The following ACADSB variants were observed in gnomAD, a reference collection of about 807,000 sequenced individuals.
ACADSB encodes short/branched chain specific acyl-CoA dehydrogenase, mitochondrial.
A neutral mutation model predicts 54.1 loss-of-function variants in ACADSB; 40 were observed. The ratio of observed to expected loss-of-function variants is 0.74; its 90% CI spans 0.57 to 0.96. ACADSB has a LOEUF of 0.96. Among genes scored for constraint, ACADSB ranks in the 40% least tolerant of loss-of-function variants. The pLI, the probability that ACADSB is intolerant of heterozygous loss-of-function variation, is 0.00. For missense variants in ACADSB, 530 were observed against 510.4 expected, an observed-to-expected ratio of 1.04 and a Z score of -0.37; for synonymous variants, 182 against 182.8, an observed-to-expected ratio of 1.00 and a Z score of 0.03.
At chr10:123,039,088 T>A (rs1850438248) in intron 3 of ACADSB, among the ~76,000 whole-genome samples, 1 of 152,198 alleles carries the variant, frequency 6.6e-6, no homozygotes, top group South Asian at 2.1e-4. Flanking sequence ...TGTCCTGGGT[T>A]TTTGGCATAA....
chr10:123,014,903 T>C (rs183162760), intron 1 of ACADSB, among the ~76,000 whole-genome samples: 1 of 152,328 alleles, frequency 6.6e-6, no homozygotes, highest in Non-Finnish European at 1.5e-5. Flanking sequence ...CTATAGGTGA[T>C]GTAACAGTTT....
chr10:123,051,554 C>G (rs895043696), intron 9 of ACADSB, among the ~76,000 whole-genome samples: 8 of 152,110 alleles, frequency 5.3e-5, no homozygotes, highest in African/African-American at 1.4e-4. Flanking sequence ...GGGTGTCATG[C>G]CTATGGTGTC....
In ACADSB at chr10:123,053,777, G is replaced by T; in HGVS notation, c.*12G>T. The T allele has an allele frequency of 6.2e-7, 1 of 1,610,624 alleles. No homozygotes were observed. Among genetic ancestry groups the T allele is most frequent in the Non-Finnish European group, 8.5e-7 (1 of 1,176,758 alleles). On this transcript the variant is annotated 3_prime_UTR_variant, in exon 11 of 11. Coordinates refer to ENST00000358776, the MANE Select transcript of ACADSB (RefSeq NM_001609.4). ...ATGCAGAATACTGACGTCTATAGGA[G>T]TGGGACCCCTCCCTGGTGTCACTGC... is the stretch of plus-strand genomic sequence containing the variant.
intron 10 of ACADSB, 69 bp downstream of exon 10, chr10:123,053,229 A>G: frequency 7.5e-7 from 1 of 1,333,302 alleles, no homozygotes; most frequent in Non-Finnish European, 1.1e-6. Context: ...TGGCTGTTTT[A>G]TTTGTCGTTT....
rs577530638 is a variant in ACADSB at position 123,038,499 on chromosome 10, G to T, written c.303+652G>T. On this transcript the variant is annotated intron_variant, in intron 3 of 10. Coordinates refer to ENST00000358776, the MANE Select transcript of ACADSB (RefSeq NM_001609.4). ...CGCTCTCACTGTGAGTAGGGGGAGG[G>T]GCTATTAGCATAGGGGCTTCTAGAA... 2.0e-5 allele frequency among the ~76,000 whole-genome samples: 3 copies of T among 152,208 alleles called. No homozygotes were observed. The South Asian group carries it at 6.2e-4, about 32-fold the overall frequency.
At chr10:123,053,604 T>C in intron 10 of ACADSB, 91 bp from the exon 11 acceptor site, 2 of 1,096,170 alleles carry the variant, frequency 1.8e-6, no homozygotes, top group Non-Finnish European at 2.8e-6. Flanking sequence ...AACTGTTTTA[T>C]AGCAAGCGCA....
rs1215246655 is a variant in ACADSB, at chr10:123,057,572, G to A, written c.*3807G>A. On this transcript the variant is annotated 3_prime_UTR_variant, in exon 11 of 11. Coordinates refer to ENST00000358776, the MANE Select transcript of ACADSB (RefSeq NM_001609.4). The stretch of plus-strand genomic sequence containing the variant: ...GTTAATTTGAGGACTGGGCTGTCTT[G>A]GGGCTCAGAAGATAAAGAACTATTT... The A allele has an allele frequency of 6.6e-6, 1 of 152,150 alleles. No individual in the cohort carries two copies. The highest frequency in any genetic ancestry group is 1.5e-5 in the Non-Finnish European group (1 of 68,042). 9.4% of individuals were successfully genotyped at this position (152,150 alleles called of 1,614,324 possible).
intron 3 of ACADSB, 91 bp from the exon 4 acceptor site, chr10:123,040,375 G>T: frequency 1.9e-6 from 2 of 1,077,448 alleles, no homozygotes; most frequent in South Asian, 2.7e-5. Context: ...TAATAAATAT[G>T]GTTACAGTTT....
rs547084905 is a variant in ACADSB at position 123,058,215 on chromosome 10, A to G, written c.*4450A>G. On this transcript the variant is annotated 3_prime_UTR_variant, in exon 11 of 11. Transcript: ENST00000358776. ...ATGTATCGGATTGTTTTAATGTTATATATTGGATTGTATTCGATGTTACAA... is the reference window on the plus strand; with the variant it reads ...ATGTATCGGATTGTTTTAATGTTATGTATTGGATTGTATTCGATGTTACAA... The G allele has an allele frequency of 4.6e-5, 7 of 152,350 alleles. No homozygotes were observed. Among genetic ancestry groups the G allele is most frequent in the African/African-American group, 1.7e-4 (7 of 41,572 alleles). The allele number at this position is 152,350 out of a possible 1,614,324, so 9.4% of individuals were successfully genotyped here.
chr10:123,041,242 G>A lies in ACADSB; in HGVS notation c.544G>A (p.Gly182Ser). ...GSFCLSEAGA[G>S]SDSFALKTRA... ...TTTCTGCCTTTCAGAGGCTGGAGCA[G>A]GTAGTGACTCATTTGCTTTGAAGAC... is the stretch of plus-strand genomic sequence containing the variant. The change falls in exon 5 of 11, where the codon GGT becomes AGT. Residue 182 changes from glycine to serine, a missense_variant. Gly to Ser is a moderately conservative substitution (Grantham distance 56). Transcript: ENST00000358776. 6.2e-7 allele frequency: 1 copy of A among 1,614,156 alleles called. No individual in the cohort carries two copies. The highest frequency in any genetic ancestry group is 8.5e-7 in the Non-Finnish European group (1 of 1,180,028).
intron 7 of ACADSB, among the ~76,000 whole-genome samples, chr10:123,045,846 A>G (rs1348075377): frequency 6.6e-6 from 1 of 152,228 alleles, no homozygotes; most frequent in Non-Finnish European, 1.5e-5. Flanking sequence ...ACTCCAAGTT[A>G]TATAATAACC....
At position 123,009,302 on chromosome 10, in the gene ACADSB, G is replaced by T. The variant is rs750760768; in HGVS notation, c.42+231G>T. Among the ~76,000 whole-genome samples, 102 of 152,194 alleles carry T rather than the reference G, an allele frequency of 6.7e-4. 1 individual carries two copies. The highest frequency in any genetic ancestry group is 6.2e-4 in the Non-Finnish European group (42 of 68,028). On this transcript the variant is annotated intron_variant, in intron 1 of 10. Transcript: ENST00000358776. ...GGGGCTGTCTAGAAGCTGCTTTGGC[G>T]GAGCAAGTACCTTGAGTGGAGTCGG...
Position 123,053,813 on chromosome 10 carries a change from T to C in ACADSB, c.*48T>C. 4 of 1,532,760 alleles carry C rather than the reference T, an allele frequency of 2.6e-6. No individual in the cohort carries two copies. Among genetic ancestry groups the C allele is most frequent in the Non-Finnish European group, 2.7e-6 (3 of 1,106,106 alleles). 94.9% of individuals were successfully genotyped at this position (1,532,760 alleles called of 1,614,324 possible). On this transcript the variant is annotated 3_prime_UTR_variant, in exon 11 of 11. Transcript: ENST00000358776. ...CCCTGGTGTCACTGCTGTAAAATTTTAAACGGTTGTGTCTTGTTGGGAGTA... is the reference window on the plus strand; with the variant it reads ...CCCTGGTGTCACTGCTGTAAAATTTCAAACGGTTGTGTCTTGTTGGGAGTA...
rs1348775329 is a variant in ACADSB at position 123,047,253 on chromosome 10, T to C, written c.945T>C (p.Tyr315=). Reference sequence around the variant, plus strand: ...GATGTTTTGACTACACTATTCCATATATTAAAGAAAGGATACAATTTGGCA... The same window carrying C: ...GATGTTTTGACTACACTATTCCATACATTAAAGAAAGGATACAATTTGGCA... ...AQGCFDYTIP[Y]IKERIQFGKR... is the part of the protein sequence containing the mutation. The change falls in exon 8 of 11, where the codon TAT becomes TAC. Residue 315 remains tyrosine (Y), a synonymous_variant. Transcript: ENST00000358776. 1.2e-6 allele frequency: 2 copies of C among 1,609,532 alleles called. No homozygotes were observed. The highest frequency in any genetic ancestry group is 1.7e-5 in the Admixed American group (1 of 60,004).
chr10:123,014,106 G>A (rs911404284), intron 1 of ACADSB, among the ~76,000 whole-genome samples: 1 of 152,050 alleles, frequency 6.6e-6, no homozygotes, highest in Non-Finnish European at 1.5e-5. Flanking sequence ...GTTTTTGAGA[G>A]AATGAGTTCC....
intron 1 of ACADSB, among the ~76,000 whole-genome samples, chr10:123,027,866 G>T (rs1162553801): frequency 6.6e-6 from 1 of 152,178 alleles, no homozygotes; most frequent in Admixed American, 6.5e-5. Flanking sequence ...TGTAAGCATG[G>T]GGTAATGAGG....
In ACADSB at chr10:123,014,656, G is replaced by A. The variant is rs372442461; in HGVS notation, c.42+5585G>A. Among the ~76,000 whole-genome samples, 27 of 152,322 alleles carry A rather than the reference G, an allele frequency of 1.8e-4. No homozygotes were observed. The South Asian group carries it at 5.6e-3, about 32-fold the overall frequency. ...TCAAAAAAAATTACATTTTTAATTG[G>A]GGAGGTAGGGTATCTGTTTTAAAAA... is the stretch of plus-strand genomic sequence containing the variant. On this transcript the variant is annotated intron_variant, in intron 1 of 10. Coordinates refer to ENST00000358776, the MANE Select transcript of ACADSB (RefSeq NM_001609.4).
At chr10:123,019,071 A>C (rs1440553418) in intron 1 of ACADSB, among the ~76,000 whole-genome samples, 6 of 152,232 alleles carry the variant, frequency 3.9e-5, no homozygotes, top group Non-Finnish European at 8.8e-5. Context: ...AATTCTCATA[A>C]GCCGTATCAA....
rs1476126770 is a variant in ACADSB, at chr10:123,040,683, A to G, written c.510+11A>G. On this transcript the variant is annotated intron_variant, in intron 4 of 10. Transcript: ENST00000358776. Reference sequence around the variant, plus strand: ...CTCACTACAGAAAAAGTGAGTTGAGATGAATTGTTGATCTAATGGATCTAA... The same window carrying G: ...CTCACTACAGAAAAAGTGAGTTGAGGTGAATTGTTGATCTAATGGATCTAA... 6.2e-7 allele frequency: 1 copy of G among 1,603,918 alleles called. No homozygotes were observed. Among genetic ancestry groups the G allele is most frequent in the East Asian group, 2.2e-5 (1 of 44,798 alleles).
Sources: allele counts gnomAD v4.1 joint callset (sites outside exome capture counted in the v4.1 genomes callset), GRCh38; gene constraint gnomAD v4.1.1; transcripts MANE v1.5; gene names NCBI Gene and HGNC (gene_info 2026-07-23, HGNC 2026-07-21).